The following VIPR2 variants were observed in gnomAD, a reference collection of about 807,000 sequenced individuals.
VIPR2 encodes the protein vasoactive intestinal peptide receptor 2, also known as vasoactive intestinal polypeptide receptor 2.
In VIPR2, 48 loss-of-function variants were observed where a neutral mutation model predicts 58.0. The ratio of observed to expected loss-of-function variants is 0.83; its 90% confidence interval spans 0.66 to 1.05. VIPR2 has a LOEUF of 1.05. VIPR2 is among the 50% of genes least tolerant of loss of function. The pLI is 0.00. For missense variants in VIPR2, 534 were observed against 558.0 expected, an observed-to-expected ratio of 0.96 and a Z score of 0.43; for synonymous variants, 243 against 235.2, an observed-to-expected ratio of 1.03 and a Z score of -0.30.
rs1289567772 is a variant in VIPR2 at position 159,096,848 on chromosome 7, C to T, written c.357+6909G>A. ...GTCCCGGCCCACCTCGGGATGCTTC[C>T]GCCGTACTGTGTCCATGGCTGAGAC... On this transcript the variant is annotated intron_variant, in intron 4 of 12. Coordinates refer to ENST00000262178, the MANE Select transcript of VIPR2 (RefSeq NM_003382.5). The surrounding 1 kb of genome is among the most constrained non-coding windows in gnomAD (Gnocchi z 5.5). 1.8e-5 allele frequency: 27 copies of T among 1,512,790 alleles called. No homozygotes were observed. The highest frequency in any genetic ancestry group is 5.0e-5 in the South Asian group (4 of 80,192). The allele number at this position is 1,512,790 out of a possible 1,614,324, so 93.7% of individuals were successfully genotyped here. A position where few individuals can be genotyped will look rare whatever the true frequency, so the allele number is the denominator to read the frequency against.
intron 2 of VIPR2, among the ~76,000 whole-genome samples, chr7:159,116,442 C>T (rs1026636105): frequency 1.3e-5 from 2 of 151,932 alleles, no homozygotes; most frequent in African/African-American, 4.8e-5. Context: ...AGCAAGTGGG[C>T]AGAGTGGGCA....
At chr7:159,117,729 G>A (rs922774351) in intron 2 of VIPR2, among the ~76,000 whole-genome samples, 4 of 152,170 alleles carry the variant, frequency 2.6e-5, no homozygotes, top group African/African-American at 4.8e-5. Flanking sequence ...CAGGAGGCCC[G>A]AGTCATGGGA....
chr7:159,084,279 GGAT>G lies in VIPR2; in HGVS notation c.357+19475_357+19477del, dbSNP rs540935902. On this transcript the variant is annotated intron_variant, in intron 4 of 12. Coordinates refer to ENST00000262178, the MANE Select transcript of VIPR2 (RefSeq NM_003382.5). ...CAGGCCGCACGAGGTGTGGGCGGGAGGATGAGAGTGCTCGGGGCAGGAACTCTG... is the reference window on the plus strand; with the variant it reads ...CAGGCCGCACGAGGTGTGGGCGGGAGGAGAGTGCTCGGGGCAGGAACTCTG... 1.7e-3 allele frequency among the ~76,000 whole-genome samples: 259 copies of G among 152,390 alleles called. 1 individual carries two copies. The highest frequency in any genetic ancestry group is 5.8e-3 in the African/African-American group (243 of 41,598).
chr7:159,082,169 T>C (rs1319744936), intron 4 of VIPR2, among the ~76,000 whole-genome samples: 1 of 152,224 alleles, frequency 6.6e-6, no homozygotes. Context: ...TGCACACGTA[T>C]GTTTACTGTG....
intron 4 of VIPR2, among the ~76,000 whole-genome samples, chr7:159,079,336 A>G (rs1004206754): frequency 6.6e-6 from 1 of 152,202 alleles, no homozygotes. Flanking sequence ...CCACTCAACT[A>G]CATGGAAACT....
At chr7:159,040,225 C>T (rs1186425515) in intron 6 of VIPR2, among the ~76,000 whole-genome samples, 1 of 152,206 alleles carries the variant, frequency 6.6e-6, no homozygotes, top group African/African-American at 2.4e-5. Flanking sequence ...CAGGAGGGGC[C>T]CAACTCCAGG....
At chr7:159,130,039 G>A (rs1378589060) in intron 2 of VIPR2, among the ~76,000 whole-genome samples, 1 of 152,024 alleles carries the variant, frequency 6.6e-6, no homozygotes, top group Non-Finnish European at 1.5e-5. Flanking sequence ...ACAGGGCCAG[G>A]TGACCAGCTT....
intron 2 of VIPR2, among the ~76,000 whole-genome samples, chr7:159,111,815 C>G (rs923777295): frequency 6.6e-6 from 1 of 152,120 alleles, no homozygotes; most frequent in Non-Finnish European, 1.5e-5. Context: ...TCAAGACCAG[C>G]GTGGGCAACA....
intron 2 of VIPR2, among the ~76,000 whole-genome samples, chr7:159,122,688 A>G (rs1796499435): frequency 1.3e-5 from 2 of 151,102 alleles, no homozygotes; most frequent in African/African-American, 4.9e-5. Flanking sequence ...GGAGGTTTCC[A>G]TCTGAGCTCT....
chr7:159,107,582 G>T (rs1216054606), intron 3 of VIPR2, among the ~76,000 whole-genome samples: 1 of 152,188 alleles, frequency 6.6e-6, no homozygotes, highest in Non-Finnish European at 1.5e-5. Context: ...TTGCATCCCG[G>T]GTCCCACTGC....
intron 2 of VIPR2, among the ~76,000 whole-genome samples, chr7:159,140,078 T>C (rs1797402854): frequency 8.5e-6 from 1 of 117,306 alleles, no homozygotes; most frequent in African/African-American, 2.9e-5. Flanking sequence ...TGTTTTTTTG[T>C]TTTTGTTTTT....
At chr7:159,041,314 G>T (rs933848062) in intron 6 of VIPR2, among the ~76,000 whole-genome samples, 4 of 152,232 alleles carry the variant, frequency 2.6e-5, no homozygotes, top group African/African-American at 9.6e-5. Flanking sequence ...AGCAATAGGG[G>T]AGAGTAGAGA....
intron 4 of VIPR2, among the ~76,000 whole-genome samples, chr7:159,088,057 C>T (rs1276771111): frequency 3.9e-5 from 6 of 152,236 alleles, no homozygotes; most frequent in African/African-American, 9.7e-5. Flanking sequence ...GCCCACCCGA[C>T]CCCTGAAGGC....
chr7:159,136,013 G>A (rs1347451421), intron 2 of VIPR2, among the ~76,000 whole-genome samples: 2 of 152,160 alleles, frequency 1.3e-5, no homozygotes, highest in African/African-American at 2.4e-5. Context: ...AAAGAGGTTC[G>A]AGTCCCAAGT....
At chr7:159,071,068 G>A (rs73730147) in intron 4 of VIPR2, among the ~76,000 whole-genome samples, 4,695 of 152,284 alleles carry the variant, frequency 0.031, 213 homozygotes, top group African/African-American at 0.1. Context: ...CAAGAAAACC[G>A]CCAGGCTACT....
rs1345526381 is a variant in VIPR2, at chr7:159,031,386, C to G, written c.1143+442G>C. On this transcript the variant is annotated intron_variant, in intron 12 of 12. Transcript: ENST00000262178. This position sits in a 1 kb window ranked among gnomAD's most constrained non-coding sequence, Gnocchi z 4.0. ...AGCAGCCCGGAGACAGCCTCCCTGG[C>G]TGGGAATGAACGCAGGGCAGAGCTC... 3.1e-6 allele frequency: 3 copies of G among 971,366 alleles called. No homozygotes were observed. In the African/African-American group the frequency reaches 5.3e-5, roughly 17 times the overall value. The allele number at this position is 971,366 out of a possible 1,614,324, so 60.2% of individuals were successfully genotyped here.
At position 159,103,832 on chromosome 7, in the gene VIPR2, C is replaced by A. The variant is rs146731234; in HGVS notation, c.282G>T (p.Thr94=). 1.9e-6 allele frequency: 3 copies of A among 1,614,002 alleles called. No individual in the cohort carries two copies. Among genetic ancestry groups the A allele is most frequent in the African/African-American group, 2.7e-5 (2 of 74,894 alleles). ...GGAACGTCTCTGACCATCCGTCACT[C>A]GTACAGTTTTTGCTTATGTTTCCTG... is the stretch of plus-strand genomic sequence containing the variant. ...SKAGNISKNC[T]SDGWSETFPD... is the part of the protein sequence containing the mutation. Residue 94 remains threonine, a synonymous_variant, in exon 4 of 13, where the codon ACG becomes ACT. Transcript: ENST00000262178.
intron 4 of VIPR2, among the ~76,000 whole-genome samples, chr7:159,063,143 G>A (rs890503248): frequency 1.3e-5 from 2 of 152,178 alleles, no homozygotes; most frequent in East Asian, 1.9e-4. Context: ...CTGCGTGCCC[G>A]CAGCCCTTGG....
intron 1 of VIPR2, chr7:159,144,230 A>G (rs1378816277): frequency 9.1e-6 from 12 of 1,315,202 alleles, no homozygotes; most frequent in Middle Eastern, 2.0e-4. Context: ...GCCCTTGGGA[A>G]AAAGCAACTA....
Sources: allele counts gnomAD v4.1 joint callset (sites outside exome capture counted in the v4.1 genomes callset), GRCh38; gene constraint gnomAD v4.1.1; non-coding constraint Gnocchi (gnomAD v3.1); transcripts MANE v1.5; gene names NCBI Gene and HGNC (gene_info 2026-07-23, HGNC 2026-07-21).